The following SYT14 variants were observed in gnomAD, a reference collection of about 807,000 sequenced individuals.
The protein encoded by SYT14 is synaptotagmin 14.
SYT14 carries 32 observed loss-of-function variants against 74.2 expected under a neutral mutation model. The ratio of observed to expected loss-of-function variants is 0.43; its 90% CI spans 0.33 to 0.58. SYT14 has a LOEUF of 0.58. Among genes scored for constraint, SYT14 ranks in the 20% least tolerant of loss-of-function variants. The probability of loss-of-function intolerance (pLI) is 0.05; values close to 1 mark genes in which losing one functional copy is unlikely to be tolerated. For missense variants in SYT14, 791 were observed against 981.8 expected, an observed-to-expected ratio of 0.81 and a Z score of 2.60; for synonymous variants, 298 against 337.7, an observed-to-expected ratio of 0.88 and a Z score of 1.29.
At chr1:210,023,960 A>G (rs531469222) in intron 5 of SYT14, among the ~76,000 whole-genome samples, 1 of 152,278 alleles carries the variant, frequency 6.6e-6, no homozygotes, top group South Asian at 2.1e-4. Context: ...ACATAGGTGC[A>G]TTTATACACA....
At chr1:210,046,712 A>C (rs914904751) in intron 5 of SYT14, among the ~76,000 whole-genome samples, 1 of 152,178 alleles carries the variant, frequency 6.6e-6, no homozygotes, top group African/African-American at 2.4e-5. Flanking sequence ...TTATTACTGA[A>C]TGGTACTTCA....
At chr1:210,099,160 G>A (rs375021120) in intron 6 of SYT14, among the ~76,000 whole-genome samples, 1 of 152,010 alleles carries the variant, frequency 6.6e-6, no homozygotes, top group Non-Finnish European at 1.5e-5. Flanking sequence ...GAGGCAAAGT[G>A]GTATAGTTGA....
At chr1:209,952,561 T>C in intron 1 of SYT14, 148 bp from the exon 2 acceptor site, 1 of 648,930 alleles carries the variant, frequency 1.5e-6, no homozygotes, top group Non-Finnish European at 2.7e-6. Flanking sequence ...TATTAGGCTA[T>C]AATATTCATT....
intron 2 of SYT14, among the ~76,000 whole-genome samples, chr1:209,964,164 T>C (rs2079118778): frequency 6.6e-6 from 1 of 152,108 alleles, no homozygotes; most frequent in South Asian, 2.1e-4. Context: ...CTCGTGTTAG[T>C]GAGTGAGTTT....
In SYT14 at chr1:210,019,861, T is replaced by C. The variant is rs867944523; in HGVS notation, c.1097-1178T>C. ...TAATTCTAAGAAAGTTACACCATTG[T>C]GCAGTTTCAAAGTGGTTACCTTTTT... On this transcript the variant is annotated intron_variant, in intron 4 of 9. Coordinates refer to ENST00000637265, the Ensembl canonical transcript of SYT14. Among the ~76,000 whole-genome samples, 5 of 152,198 alleles carry C rather than the reference T, an allele frequency of 3.3e-5. No individual in the cohort carries two copies. The South Asian group carries it at 1.0e-3, about 31-fold the overall frequency.
chr1:210,036,951 G>T (rs1242662289), intron 5 of SYT14, among the ~76,000 whole-genome samples: 4 of 152,034 alleles, frequency 2.6e-5, no homozygotes, highest in Non-Finnish European at 5.9e-5. Flanking sequence ...TTTGTAGAAT[G>T]AGTTGGGGAG....
exon 7 of SYT14, chr1:210,100,197 A>G: frequency 6.2e-7 from 1 of 1,614,098 alleles, no homozygotes; most frequent in Non-Finnish European, 8.5e-7. Flanking sequence ...CATGGCAAGT[A>G]CACCTTGTTC....
intron 5 of SYT14, among the ~76,000 whole-genome samples, chr1:210,024,207 T>G (rs2080362409): frequency 1.3e-5 from 2 of 152,174 alleles, no homozygotes; most frequent in Non-Finnish European, 2.9e-5. Flanking sequence ...TGAAAAGTTT[T>G]TTACTAAGGA....
intron 7 of SYT14, among the ~76,000 whole-genome samples, chr1:210,118,347 A>T (rs2082397635): frequency 6.6e-6 from 1 of 152,202 alleles, no homozygotes; most frequent in African/African-American, 2.4e-5. Flanking sequence ...GAGTATCTAG[A>T]TTATGGACAT....
intron 5 of SYT14, among the ~76,000 whole-genome samples, chr1:210,027,379 C>G (rs2080436542): frequency 1.3e-5 from 2 of 149,948 alleles, no homozygotes; most frequent in Admixed American, 6.6e-5. Flanking sequence ...CATGCAACTA[C>G]ACTCCAGCAT....
chr1:209,975,798 C>T (rs1407675527), intron 2 of SYT14, among the ~76,000 whole-genome samples: 1 of 152,134 alleles, frequency 6.6e-6, no homozygotes, highest in Non-Finnish European at 1.5e-5. Context: ...CCTCCTTGTA[C>T]CTCTGGTAGA....
intron 5 of SYT14, among the ~76,000 whole-genome samples, chr1:210,059,451 T>TATATATATATATATATATATAGAGAGAG (rs377050610): frequency 2.9e-5 from 2 of 69,892 alleles, no homozygotes; most frequent in African/African-American, 7.9e-5. Flanking sequence ...TATATATATA[T>TATATATATATATATATATATAGAGAGAG]AGAGAGAGAG....
chr1:210,150,054 A>G (rs2083127075), intron 7 of SYT14, among the ~76,000 whole-genome samples: 1 of 152,172 alleles, frequency 6.6e-6, no homozygotes, highest in Admixed American at 6.5e-5. Context: ...CTTTATTGCA[A>G]AGCCCTAGAA....
intron 2 of SYT14, among the ~76,000 whole-genome samples, chr1:209,966,893 CTGG>C (rs2079165949): frequency 6.6e-6 from 1 of 152,084 alleles, no homozygotes; most frequent in Non-Finnish European, 1.5e-5. Flanking sequence ...AGTATCTTTG[CTGG>C]TGGTCTCAAG....
At chr1:210,076,759 C>T (rs189894286) in intron 5 of SYT14, among the ~76,000 whole-genome samples, 16 of 152,032 alleles carry the variant, frequency 1.1e-4, no homozygotes, top group Non-Finnish European at 1.9e-4. Context: ...GTGCTACACA[C>T]GTTTAAACAG....
chr1:209,965,213 T>C (rs765936015), intron 2 of SYT14, among the ~76,000 whole-genome samples: 27 of 152,228 alleles, frequency 1.8e-4, no homozygotes, highest in Non-Finnish European at 3.5e-4. Context: ...TCAATAGTTA[T>C]TCAACCCTTT....
chr1:210,027,174 C>G (rs553285673), intron 5 of SYT14, among the ~76,000 whole-genome samples: 1 of 151,962 alleles, frequency 6.6e-6, no homozygotes, highest in East Asian at 1.9e-4. Flanking sequence ...GTAAAGTAAG[C>G]TAGAAAAAAG....
At chr1:210,052,747 G>A (rs2081026285) in intron 5 of SYT14, among the ~76,000 whole-genome samples, 2 of 147,876 alleles carry the variant, frequency 1.4e-5, no homozygotes, top group South Asian at 4.3e-4. Context: ...AGAGTTGACA[G>A]GCAGAAAACA....
At chr1:210,078,977 A>G (rs2081567401) in intron 5 of SYT14, among the ~76,000 whole-genome samples, 1 of 151,860 alleles carries the variant, frequency 6.6e-6, no homozygotes. Context: ...CTAGTCTTGG[A>G]CACATGAGCT....
Sources: gnomAD v4.1 joint callset for allele counts (sites outside exome capture counted in the v4.1 genomes callset) on GRCh38, gnomAD v4.1.1 for gene constraint, MANE v1.5 for transcripts, NCBI Gene and HGNC (gene_info 2026-07-23, HGNC 2026-07-21) for gene names.